MAD1L1: variants seen among roughly 807,000 people sequenced by gnomAD.
MAD1L1 encodes the protein mitotic arrest deficient 1 like 1.
Under a neutral mutation model 96.9 loss-of-function variants are expected in MAD1L1, and 95 were observed. The ratio of observed to expected loss-of-function variants is 0.98; its 90% CI spans 0.83 to 1.16. The LOEUF (loss-of-function observed/expected upper bound fraction) is 1.16, where lower values mean the gene tolerates loss of function less well. MAD1L1 is among the 50% of genes most tolerant of loss of function. MAD1L1 has a pLI of 0.00. For missense variants in MAD1L1, 1,007 were observed against 954.4 expected (o/e 1.06, Z -0.73); for synonymous variants, 473 against 396.6 (o/e 1.19, Z -2.29).
At chr7:1,899,610 G>A (rs1166058370) in intron 17 of MAD1L1, among the ~76,000 whole-genome samples, 1 of 152,198 alleles carries the variant, frequency 6.6e-6, no homozygotes, top group South Asian at 2.1e-4. Context: ...TCCAGGCAGC[G>A]CCCGGGGGGA....
At chr7:2,162,464 G>A (rs891833561) in intron 10 of MAD1L1, among the ~76,000 whole-genome samples, 1 of 151,962 alleles carries the variant, frequency 6.6e-6, no homozygotes, top group African/African-American at 2.4e-5. Flanking sequence ...AGGCCGCAGG[G>A]ACCTCTGCCT....
At chr7:2,018,014 G>T (rs555826409) in intron 12 of MAD1L1, among the ~76,000 whole-genome samples, 1 of 152,166 alleles carries the variant, frequency 6.6e-6, no homozygotes, top group Non-Finnish European at 1.5e-5. Context: ...ACAGGAGCGG[G>T]AGACTGCAGG....
At chr7:2,121,254 G>T (rs562153208) in intron 11 of MAD1L1, among the ~76,000 whole-genome samples, 2 of 152,366 alleles carry the variant, frequency 1.3e-5, no homozygotes, top group East Asian at 3.9e-4. Flanking sequence ...GCTGCCAAGA[G>T]GACAAGCCCA....
In MAD1L1 at chr7:1,936,796, C is replaced by T. The variant is rs1801550; in HGVS notation, c.1698G>A (p.Ala566=). 0.04 allele frequency: 63,983 copies of T among 1,588,730 alleles called. 1,897 individuals carry two copies. Among genetic ancestry groups the T allele is most frequent in the Admixed American group, 0.14 (7,757 of 55,938 alleles). Residue 566 remains alanine, a synonymous_variant, in exon 17 of 19, where the codon GCG becomes GCA. Transcript: ENST00000265854. ...RLREDHSQLQ[A]ECERLRGLLR... ...GGAGCCCGCGCAGTCGCTCGCACTC[C>T]GCCTGCAGCTGGCTGTGGTCCTCGC...
intron 11 of MAD1L1, among the ~76,000 whole-genome samples, chr7:2,134,097 A>C (rs1383745409): frequency 2.0e-5 from 3 of 152,138 alleles, no homozygotes; most frequent in Non-Finnish European, 4.4e-5. Context: ...GACTGCACAG[A>C]CCCTCTGGGG....
Position 2,219,448 on chromosome 7 carries a change from G to C in MAD1L1, c.480C>G (p.Asn160Lys). Residue 160 changes from asparagine (N) to lysine (K), a missense_variant, in exon 6 of 19, where the codon AAC becomes AAG. By Grantham distance (94) the Asn-to-Lys change is moderately conservative (BLOSUM62 0). Transcript: ENST00000265854. Reference protein sequence around the residue: ...DSLAQAGETINALKGRISELQ... With the variant: ...DSLAQAGETIKALKGRISELQ... ...GTTCCGAGATCCTCCCCTTCAGTGC[G>C]TTGATGGTCTAAAAGTAGAGGGGAC... 6.2e-7 allele frequency: 1 copy of C among 1,613,708 alleles called. No homozygotes were observed. The highest frequency in any genetic ancestry group is 2.2e-5 in the East Asian group (1 of 44,862).
intron 11 of MAD1L1, among the ~76,000 whole-genome samples, chr7:2,130,996 G>A (rs1179408800): frequency 6.6e-6 from 1 of 152,148 alleles, no homozygotes; most frequent in Non-Finnish European, 1.5e-5. Context: ...TCCACGCTTC[G>A]GAACACTGAC....
chr7:1,904,924 T>C (rs368271680), intron 17 of MAD1L1, among the ~76,000 whole-genome samples: 2,252 of 56,290 alleles, frequency 0.04, 141 homozygotes, highest in Admixed American at 0.071. Context: ...ATGGAAGACG[T>C]TCTTGTGGAA....
At chr7:1,853,168 G>A (rs143055090) in intron 18 of MAD1L1, among the ~76,000 whole-genome samples, 8 of 152,294 alleles carry the variant, frequency 5.3e-5, no homozygotes, top group East Asian at 1.9e-4. Context: ...GCCCTGATGC[G>A]GAAGGGACTG....
intron 18 of MAD1L1, among the ~76,000 whole-genome samples, chr7:1,835,341 T>C (rs1782891381): frequency 6.6e-6 from 1 of 152,202 alleles, no homozygotes; most frequent in African/African-American, 2.4e-5. Flanking sequence ...ACAAGGAACT[T>C]CACAAGCATC....
chr7:2,104,813 T>C (rs1018436399), intron 11 of MAD1L1, among the ~76,000 whole-genome samples: 2 of 152,214 alleles, frequency 1.3e-5, no homozygotes, highest in Non-Finnish European at 2.9e-5. Context: ...CATAAATCAC[T>C]GCAGCTCCCA....
At chr7:1,927,640 A>C (rs1308133134) in intron 17 of MAD1L1, among the ~76,000 whole-genome samples, 6 of 152,230 alleles carry the variant, frequency 3.9e-5, no homozygotes, top group African/African-American at 1.4e-4. Flanking sequence ...TATAAAAACA[A>C]AAAAGAAAAG....
chr7:2,113,911 C>G (rs904002127), intron 11 of MAD1L1, among the ~76,000 whole-genome samples: 1 of 152,132 alleles, frequency 6.6e-6, no homozygotes, highest in Non-Finnish European at 1.5e-5. Flanking sequence ...CAGGAGAGAC[C>G]GAGGAGCAGA....
intron 12 of MAD1L1, among the ~76,000 whole-genome samples, chr7:2,042,303 AG>A (rs1783723197): frequency 6.6e-6 from 1 of 152,074 alleles, no homozygotes. Context: ...AGACACACGC[AG>A]ATGTGCACAG....
At position 1,936,679 on chromosome 7, in the gene MAD1L1, G is replaced by A. The variant is rs1283850131; in HGVS notation, c.1807+8C>T. 1.9e-6 allele frequency: 3 copies of A among 1,547,308 alleles called. No individual in the cohort carries two copies. The highest frequency in any genetic ancestry group is 2.6e-6 in the Non-Finnish European group (3 of 1,147,298). ...GGATGGCAGGGACCGGGGGTGGGGG[G>A]TGCCTACCTGCCACCTCCTTGGACG... On this transcript the variant is annotated splice_region_variant and intron_variant, in intron 17 of 18. Transcript: ENST00000265854.
rs566170835 is a variant in MAD1L1 at position 1,953,458 on chromosome 7, G to A, written c.1596+4171C>T. On this transcript the variant is annotated intron_variant, in intron 16 of 18. Coordinates refer to ENST00000265854, the MANE Select transcript of MAD1L1 (RefSeq NM_001013836.2). Reference sequence around the variant, plus strand: ...CGCACTGGGGGGCTCCACCAGCCCTGACCACCAACCTGCCCAAACAAGCAC... The same window carrying A: ...CGCACTGGGGGGCTCCACCAGCCCTAACCACCAACCTGCCCAAACAAGCAC... Among the ~76,000 whole-genome samples, 7 of 152,312 alleles carry A rather than the reference G, an allele frequency of 4.6e-5. No individual in the cohort carries two copies. In the South Asian group the frequency reaches 1.5e-3, roughly 32 times the overall value.
Position 2,052,902 on chromosome 7 carries a change from G to A in MAD1L1, c.1218+16292C>T, listed in dbSNP as rs559417602. Among the ~76,000 whole-genome samples, 4 of 152,026 alleles carry A rather than the reference G, an allele frequency of 2.6e-5. No individual in the cohort carries two copies. The South Asian group carries it at 6.2e-4, about 24-fold the overall frequency. On this transcript the variant is annotated intron_variant, in intron 12 of 18. Coordinates refer to ENST00000265854, the MANE Select transcript of MAD1L1 (RefSeq NM_001013836.2). ...GGGCCATGGGGAGATAGGAAGCCATGTGTCCCCAGCAGGACATGTGGGAGG... is the reference window on the plus strand; with the variant it reads ...GGGCCATGGGGAGATAGGAAGCCATATGTCCCCAGCAGGACATGTGGGAGG...
Position 1,847,677 on chromosome 7 carries a change from T to C in MAD1L1, c.1999-31449A>G, listed in dbSNP as rs202219886. ...GCCCATCTCCCAAAGCCTGGACGCA[T>C]ACACTGGGGAGACCTCAGCTCTGGG... On this transcript the variant is annotated intron_variant, in intron 18 of 18. Coordinates refer to ENST00000265854, the MANE Select transcript of MAD1L1 (RefSeq NM_001013836.2). 8.5e-6 allele frequency: 4 copies of C among 470,504 alleles called. No homozygotes were observed. The East Asian group carries it at 2.8e-4, about 33-fold the overall frequency. 29.1% of individuals were successfully genotyped at this position (470,504 alleles called of 1,614,324 possible).
At chr7:2,225,910 T>C (rs1793869774) in intron 3 of MAD1L1, among the ~76,000 whole-genome samples, 1 of 152,210 alleles carries the variant, frequency 6.6e-6, no homozygotes, top group African/African-American at 2.4e-5. Context: ...ATCAATGCAG[T>C]CGGCCAGGAC....
Sources: allele counts gnomAD v4.1 joint callset (sites outside exome capture counted in the v4.1 genomes callset), GRCh38; gene constraint gnomAD v4.1.1; transcripts MANE v1.5; gene names NCBI Gene and HGNC (gene_info 2026-07-23, HGNC 2026-07-21).